HEATR3: variants seen among roughly 807,000 people sequenced by gnomAD.
HEATR3 encodes the protein HEAT repeat containing 3.
In HEATR3, 56 loss-of-function variants were observed where a neutral mutation model predicts 72.8. That is an observed-to-expected ratio of 0.77 (90% CI 0.62 to 0.96). The LOEUF (loss-of-function observed/expected upper bound fraction) is 0.96, where lower values mean the gene tolerates loss of function less well. Among genes scored for constraint, HEATR3 ranks in the 40% least tolerant of loss-of-function variants. The probability of loss-of-function intolerance (pLI) is 0.00; values close to 1 mark genes in which losing one functional copy is unlikely to be tolerated. For missense variants in HEATR3, 747 were observed against 831.4 expected (o/e 0.90, Z 1.25); for synonymous variants, 331 against 318.1 (o/e 1.04, Z -0.43).
At chr16:50,069,855 T>G (rs986730534) in intron 3 of HEATR3, among the ~76,000 whole-genome samples, 1 of 152,212 alleles carries the variant, frequency 6.6e-6, no homozygotes, top group African/African-American at 2.4e-5. Flanking sequence ...ATAGTTCACC[T>G]ACCTCATAGG....
At chr16:50,081,157 T>C (rs1034293365) in intron 7 of HEATR3, among the ~76,000 whole-genome samples, 7 of 152,240 alleles carry the variant, frequency 4.6e-5, no homozygotes, top group African/African-American at 1.2e-4. Context: ...TAAAGTCTTC[T>C]GGCCAGGTGT....
chr16:50,066,593 G>C, intron 2 of HEATR3, 54 bp downstream of exon 2: 1 of 1,253,700 alleles, frequency 8.0e-7, no homozygotes, highest in Non-Finnish European at 1.0e-6. Flanking sequence ...CCCGCGTCTG[G>C]GCTGCGGGCG....
chr16:50,103,268 C>G lies in HEATR3; in HGVS notation c.1920+833C>G, dbSNP rs115643500. On this transcript the variant is annotated intron_variant, in intron 14 of 14. Coordinates refer to ENST00000299192, the MANE Select transcript of HEATR3 (RefSeq NM_182922.4). ...CCCTGACTTCTGAAAGGTCTTTGTT[C>G]TGATTGATTTTCCTACTCAGTATGT... Among the ~76,000 whole-genome samples the G allele has an allele frequency of 1.3e-3, 201 of 152,068 alleles. 2 individuals are homozygous for G. Among genetic ancestry groups the G allele is most frequent in the African/African-American group, 4.5e-3 (189 of 41,552 alleles).
At chr16:50,085,005 CAT>C (rs1056328897) in intron 10 of HEATR3, among the ~76,000 whole-genome samples, 3 of 151,972 alleles carry the variant, frequency 2.0e-5, no homozygotes, top group African/African-American at 7.3e-5. Context: ...AAAAGCGAGA[CAT>C]AAAAGAATAC....
At chr16:50,077,090 G>A (rs971389934) in intron 6 of HEATR3, among the ~76,000 whole-genome samples, 3 of 151,952 alleles carry the variant, frequency 2.0e-5, no homozygotes, top group Admixed American at 6.6e-5. Flanking sequence ...TAGCCAGGAT[G>A]GTCTTGATCT....
chr16:50,095,751 TC>T (rs1158754983), intron 12 of HEATR3, among the ~76,000 whole-genome samples: 2 of 152,104 alleles, frequency 1.3e-5, no homozygotes, highest in Non-Finnish European at 2.9e-5. Context: ...GTTATTAGCG[TC>T]CTGTCATTCT....
chr16:50,087,966 A>C (rs1310187285), intron 11 of HEATR3, among the ~76,000 whole-genome samples: 1 of 152,060 alleles, frequency 6.6e-6, no homozygotes, highest in Non-Finnish European at 1.5e-5. Flanking sequence ...GTCTCTACTA[A>C]AAATACAAAA....
chr16:50,079,408 T>G (rs2036816654), intron 7 of HEATR3, among the ~76,000 whole-genome samples: 2 of 152,226 alleles, frequency 1.3e-5, no homozygotes, highest in South Asian at 2.1e-4. Context: ...TTCTTGCCTC[T>G]TATTTTAGTA....
intron 3 of HEATR3, among the ~76,000 whole-genome samples, chr16:50,069,684 T>C (rs570382895): frequency 6.6e-6 from 1 of 152,304 alleles, no homozygotes; most frequent in Admixed American, 6.5e-5. Flanking sequence ...GAAGCCCTGC[T>C]TTAGAGGGTC....
intron 11 of HEATR3, 46 bp downstream of exon 11, chr16:50,086,397 T>C: frequency 6.4e-7 from 1 of 1,567,440 alleles, no homozygotes; most frequent in Non-Finnish European, 8.7e-7. Context: ...GAACAGAATT[T>C]TGAAGGGGCA....
At position 50,105,123 on chromosome 16, in the gene HEATR3, T is replaced by G; in HGVS notation, c.*62T>G. 2.5e-5 allele frequency: 38 copies of G among 1,522,586 alleles called. 1 individual carries two copies. The South Asian group carries it at 4.3e-4, about 17-fold the overall frequency. The allele number at this position is 1,522,586 out of a possible 1,614,324, so 94.3% of individuals were successfully genotyped here. On this transcript the variant is annotated 3_prime_UTR_variant, in exon 15 of 15. Transcript: ENST00000299192. ...ATTCAATGCTTAGAATACTAAAAGG[T>G]TTTCTTTGAATGTATATGTTTCTGA...
chr16:50,070,225 A>G lies in HEATR3; in HGVS notation c.447A>G (p.Lys149=). 3.7e-6 allele frequency: 6 copies of G among 1,610,898 alleles called. No homozygotes were observed. The highest frequency in any genetic ancestry group is 2.5e-6 in the Non-Finnish European group (3 of 1,177,872). ...DSNEMSLQEK[K]DQNRNSIENI... ...ATGAGATGTCTCTGCAGGAGAAAAA[A>G]GATCAGAACAGAAATTCTATTGAGA... is the stretch of plus-strand genomic sequence containing the variant. Residue 149 remains lysine, a synonymous_variant, in exon 4 of 15, where the codon AAA becomes AAG. Coordinates refer to ENST00000299192, the MANE Select transcript of HEATR3 (RefSeq NM_182922.4).
At chr16:50,068,962 A>G in intron 3 of HEATR3, 95 bp downstream of exon 3, 1 of 802,548 alleles carries the variant, frequency 1.2e-6, no homozygotes. Flanking sequence ...TCTTCTATCT[A>G]AACATCTTAT....
In HEATR3 at chr16:50,078,794, A is replaced by G. The variant is rs2036797014; in HGVS notation, c.817A>G (p.Ile273Val). 1 of 1,614,154 alleles carries G rather than the reference A, an allele frequency of 6.2e-7. No individual in the cohort carries two copies. ...TCCATGCAAGAGTCAAGCAGAAATC[A>G]TAAATGCCTTACTAAAGATCTTATC... ...IIPCKSQAEI[I>V]NALLKILSEV... Residue 273 changes from isoleucine (I) to valine (V), a missense_variant, in exon 7 of 15, where the codon ATA becomes GTA. Physicochemically the swap from Ile to Val is conservative, Grantham distance 29. Transcript: ENST00000299192.
chr16:50,097,312 T>G (rs936498813), intron 12 of HEATR3, among the ~76,000 whole-genome samples: 69 of 36,566 alleles, frequency 1.9e-3, no homozygotes, highest in Admixed American at 9.8e-3. Context: ...ATTTTGTCTT[T>G]TCTTTTTTTT....
Position 50,083,912 on chromosome 16 carries a change from ATTTACT to A in HEATR3, c.1042-21_1042-16del. On this transcript the variant is annotated intron_variant, in intron 7 of 14. Transcript: ENST00000299192. ...TTTTCCCAACCATTGAGAGTTGGTC[ATTTACT>A]TTTTTTTTTTTTTTTAAGCCCACTG... 1.4e-6 allele frequency: 2 copies of A among 1,474,896 alleles called. No individual in the cohort carries two copies. The highest frequency in any genetic ancestry group is 4.7e-5 in the East Asian group (2 of 42,954). 91.4% of individuals were successfully genotyped at this position (1,474,896 alleles called of 1,614,324 possible). A position where few individuals can be genotyped will look rare whatever the true frequency, so the allele number is the denominator to read the frequency against.
chr16:50,094,833 T>C (rs1044206538), intron 12 of HEATR3, 40 bp downstream of exon 12: 1 of 1,295,434 alleles, frequency 7.7e-7, no homozygotes, highest in Non-Finnish European at 1.1e-6. Context: ...CTTGTAAAGA[T>C]TGTGTATTAT....
Position 50,084,211 on chromosome 16 carries a change from T to G in HEATR3, c.1210T>G (p.Cys404Gly). 2 of 1,614,100 alleles carry G rather than the reference T, an allele frequency of 1.2e-6. No individual in the cohort carries two copies. The highest frequency in any genetic ancestry group is 1.7e-6 in the Non-Finnish European group (2 of 1,179,992). ...DAFMENSFSE[C>G]GGQLFSPLCL... ...ATTTATGGAGAATTCCTTCAGTGAG[T>G]GCGGGGGACAGCTGTTTTCTCCCCT... The change falls in exon 9 of 15, where the codon TGC becomes GGC. Residue 404 changes from cysteine (C) to glycine (G), a missense_variant. Transcript: ENST00000299192.
intron 11 of HEATR3, among the ~76,000 whole-genome samples, chr16:50,086,677 C>T (rs2036995078): frequency 6.6e-6 from 1 of 152,180 alleles, no homozygotes; most frequent in Non-Finnish European, 1.5e-5. Context: ...TGCCTGTAGT[C>T]CCAGCACTTT....
Sources: gnomAD v4.1 joint callset for allele counts (sites outside exome capture counted in the v4.1 genomes callset) on GRCh38, gnomAD v4.1.1 for gene constraint, MANE v1.5 for transcripts, NCBI Gene and HGNC (gene_info 2026-07-23, HGNC 2026-07-21) for gene names.